ATXN7: variants seen among roughly 807,000 people sequenced by gnomAD.
ATXN7 encodes ataxin-7.
A neutral mutation model predicts 70.5 loss-of-function variants in ATXN7; 12 were observed. The ratio of observed to expected loss-of-function variants is 0.17; its 90% confidence interval spans 0.11 to 0.28. ATXN7 has a LOEUF of 0.28. Ranked by LOEUF, ATXN7 falls within the 10% of genes least tolerant of loss-of-function variation. The pLI is 1.00. For missense variants in ATXN7, 1,256 were observed against 1,131.7 expected, an observed-to-expected ratio of 1.11 and a Z score of -1.58; for synonymous variants, 498 against 448.7, an observed-to-expected ratio of 1.11 and a Z score of -1.39.
intron 1 of ATXN7, 59 bp from the exon 2 acceptor site, chr3:63,898,340 T>C (rs984846254): frequency 1.1e-4 from 16 of 152,240 alleles, no homozygotes; most frequent in East Asian, 3.8e-4. Flanking sequence ...GATTGTATGT[T>C]TCTGATTAGC....
upstream of ATXN7, chr3:63,863,852 G>A: frequency 2.5e-6 from 3 of 1,217,162 alleles, no homozygotes; most frequent in East Asian, 3.5e-5. Context: ...TGGCGGCGGC[G>A]GAGGTCAAAC....
intron 1 of ATXN7, chr3:63,878,338 A>G (rs1159810457): frequency 6.6e-6 from 1 of 152,228 alleles, no homozygotes; most frequent in African/African-American, 2.4e-5. Flanking sequence ...TTGACAAGTA[A>G]CAGACTCCTA....
chr3:63,939,302 TC>T (rs1355571866), intron 4 of ATXN7, among the ~76,000 whole-genome samples: 8 of 152,270 alleles, frequency 5.3e-5, no homozygotes, highest in African/African-American at 1.9e-4. Context: ...TGTCAACAGT[TC>T]CTTCTAAATG....
intron 4 of ATXN7, among the ~76,000 whole-genome samples, chr3:63,919,812 G>A (rs1012012504): frequency 2.2e-5 from 3 of 138,580 alleles, no homozygotes; most frequent in Admixed American, 8.1e-5. Flanking sequence ...CTGGTTGGGA[G>A]CAGTTCACAT....
upstream of ATXN7, chr3:63,863,804 G>T: frequency 9.0e-7 from 1 of 1,110,134 alleles, no homozygotes; most frequent in Non-Finnish European, 1.1e-6. Flanking sequence ...GTGCGCGGCG[G>T]CGGCGGCGGC....
intron 5 of ATXN7, among the ~76,000 whole-genome samples, chr3:63,979,374 G>C (rs573400775): frequency 6.6e-6 from 1 of 152,302 alleles, no homozygotes; most frequent in East Asian, 1.9e-4. Flanking sequence ...AGATTCTTAG[G>C]GAACGATAAG....
At chr3:63,998,269 A>T in intron 12 of ATXN7, 4 of 984,816 alleles carry the variant, frequency 4.1e-6, no homozygotes, top group Non-Finnish European at 4.8e-6. Context: ...GACATGGAGC[A>T]GCTGCTTCCA....
At chr3:63,984,119 A>T (rs1241398816) in intron 8 of ATXN7, among the ~76,000 whole-genome samples, 1 of 151,898 alleles carries the variant, frequency 6.6e-6, no homozygotes, top group Non-Finnish European at 1.5e-5. Context: ...TTCTAATTTA[A>T]TTTTAGTATA....
chr3:63,890,000 T>G (rs1488633729), intron 1 of ATXN7, among the ~76,000 whole-genome samples: 1 of 152,180 alleles, frequency 6.6e-6, no homozygotes, highest in East Asian at 1.9e-4. Context: ...AAGTAGCTAT[T>G]GGGATAGAGG....
chr3:63,980,288 A>T, intron 6 of ATXN7, 121 bp downstream of exon 6: 1 of 1,331,476 alleles, frequency 7.5e-7, no homozygotes, highest in Non-Finnish European at 1.0e-6. Context: ...AAGAATTCAA[A>T]TGTATGTTGT....
intron 1 of ATXN7, among the ~76,000 whole-genome samples, chr3:63,885,727 G>T (rs1250732911): frequency 6.6e-6 from 1 of 152,106 alleles, no homozygotes; most frequent in Non-Finnish European, 1.5e-5. Context: ...CAGAAAATGT[G>T]ATATTTAGGC....
rs1391084504 is a variant in ATXN7 at position 64,000,200 on chromosome 3, C to CA, written c.*737dup. On this transcript the variant is annotated 3_prime_UTR_variant, in exon 13 of 13. Transcript: ENST00000674280. The stretch of plus-strand genomic sequence containing the variant: ...TTTTGGAGGCTTACTTTTCATGATA[C>CA]AAAAGCAATTCTGTGTGATTTTTTT... 2 of 127,778 alleles carry CA rather than the reference C, an allele frequency of 1.6e-5. No homozygotes were observed. The highest frequency in any genetic ancestry group is 3.1e-5 in the Non-Finnish European group (2 of 64,682). 7.9% of individuals were successfully genotyped at this position (127,778 alleles called of 1,614,324 possible).
At chr3:63,866,084 C>T (rs369104352) in intron 1 of ATXN7, among the ~76,000 whole-genome samples, 20 of 151,878 alleles carry the variant, frequency 1.3e-4, no homozygotes, top group African/African-American at 3.6e-4. Flanking sequence ...GAGATACTCT[C>T]TGAGTTATTC....
At chr3:63,957,540 T>C (rs1173393095) in intron 5 of ATXN7, among the ~76,000 whole-genome samples, 1 of 152,230 alleles carries the variant, frequency 6.6e-6, no homozygotes, top group African/African-American at 2.4e-5. Context: ...AAACTAGTGT[T>C]GTCTGCTATA....
chr3:63,964,495 G>T (rs912199160), intron 5 of ATXN7, among the ~76,000 whole-genome samples: 5 of 152,210 alleles, frequency 3.3e-5, no homozygotes, highest in African/African-American at 1.2e-4. Context: ...TGACTGGGCT[G>T]AGGTCACGCT....
At position 64,002,806 on chromosome 3, in the gene ATXN7, A is replaced by G. The variant is rs909967489; in HGVS notation, c.*3339A>G. The stretch of plus-strand genomic sequence containing the variant: ...GGTGATGGATTGCCTGGTGGCACCA[A>G]GGGTTACAGATCTTTTTGTCAGCCA... On this transcript the variant is annotated 3_prime_UTR_variant, in exon 13 of 13. Transcript: ENST00000674280. 7.9e-5 allele frequency: 12 copies of G among 152,178 alleles called. No individual in the cohort carries two copies. The highest frequency in any genetic ancestry group is 2.4e-4 in the African/African-American group (10 of 41,446). The allele number at this position is 152,178 out of a possible 1,614,324, so 9.4% of individuals were successfully genotyped here.
chr3:63,863,513 C>T, upstream of ATXN7: 1 of 1,188,632 alleles, frequency 8.4e-7, no homozygotes, highest in Non-Finnish European at 1.0e-6. Flanking sequence ...CCCTATAGCC[C>T]CGCGCTGCCT....
At chr3:63,953,098 G>A (rs575975277) in intron 5 of ATXN7, among the ~76,000 whole-genome samples, 3 of 152,140 alleles carry the variant, frequency 2.0e-5, no homozygotes, top group Non-Finnish European at 2.9e-5. Flanking sequence ...TACCGCCACA[G>A]AGTTTACAGT....
intron 4 of ATXN7, among the ~76,000 whole-genome samples, chr3:63,932,839 T>A (rs1199654129): frequency 6.6e-6 from 1 of 152,214 alleles, no homozygotes; most frequent in Non-Finnish European, 1.5e-5. Context: ...TGCTCCTTGC[T>A]TTTTGTGTTC....
Sources: allele counts gnomAD v4.1 joint callset (sites outside exome capture counted in the v4.1 genomes callset), GRCh38; gene constraint gnomAD v4.1.1; transcripts MANE v1.5; gene names NCBI Gene and HGNC (gene_info 2026-07-23, HGNC 2026-07-21).